COL8A1: variants seen among roughly 807,000 people sequenced by gnomAD.
COL8A1 encodes collagen alpha-1(VIII) chain.
Under a neutral mutation model 42.7 loss-of-function variants are expected in COL8A1, and 21 were observed. The ratio of observed to expected loss-of-function variants is 0.49; its 90% CI spans 0.35 to 0.71. The LOEUF is 0.71. Ranked by LOEUF, COL8A1 falls within the 30% of genes least tolerant of loss-of-function variation. COL8A1 has a pLI of 0.01. For missense variants in COL8A1, 788 were observed against 962.4 expected, an observed-to-expected ratio of 0.82 and a Z score of 2.40; for synonymous variants, 367 against 369.1, an observed-to-expected ratio of 0.99 and a Z score of 0.06.
At chr3:99,659,630 A>G (rs1938137210) in intron 1 of COL8A1, among the ~76,000 whole-genome samples, 3 of 152,146 alleles carry the variant, frequency 2.0e-5, no homozygotes, top group Admixed American at 1.3e-4. Context: ...GTTCTATGGC[A>G]AAAAAAGAGG....
intron 2 of COL8A1, among the ~76,000 whole-genome samples, chr3:99,773,837 A>ATATATATATATATATTT (rs1200212756): frequency 1.5e-4 from 7 of 45,402 alleles, no homozygotes; most frequent in African/African-American, 7.7e-4. Flanking sequence ...ATATATATAT[A>ATATATATATATATATTT]TTTTTTTTTT....
intron 1 of COL8A1, among the ~76,000 whole-genome samples, chr3:99,694,475 C>CA (rs796962809): frequency 1.5e-3 from 214 of 144,664 alleles, no homozygotes; most frequent in African/African-American, 4.8e-3. Flanking sequence ...GACTCCATCT[C>CA]AAAAAAAAAA....
Position 99,795,642 on chromosome 3 carries a change from C to T in COL8A1, c.1741C>T (p.Gln581Ter). 6.2e-7 allele frequency: 1 copy of T among 1,613,990 alleles called. No individual in the cohort carries two copies. Among genetic ancestry groups the T allele is most frequent in the Non-Finnish European group, 8.5e-7 (1 of 1,179,946 alleles). ...TGTGATGCCCCCTACACCACCACCC[C>T]AGGGAGAGTATCTGCCAGATATGGG... ...PAVMPPTPPP[Q>*]GEYLPDMGLG... The change falls in exon 4 of 4, where the codon CAG becomes TAG. Residue 581 changes from glutamine (Q) to a stop codon, truncating the protein, a stop_gained. Transcript: ENST00000652472. LOFTEE classifies it high-confidence loss of function.
In COL8A1 at chr3:99,726,551, C is replaced by T. The variant is rs1260405619; in HGVS notation, c.-128-18346C>T. Among the ~76,000 whole-genome samples the T allele has an allele frequency of 6.6e-5, 10 of 151,912 alleles. No homozygotes were observed. In the South Asian group the frequency reaches 1.5e-3, roughly 22 times the overall value. ...AGGGTTTTAATGGTTTTAGGTCTAACGTTTAAGTCTTTAATGCATCTTGAA... is the reference window on the plus strand; with the variant it reads ...AGGGTTTTAATGGTTTTAGGTCTAATGTTTAAGTCTTTAATGCATCTTGAA... On this transcript the variant is annotated intron_variant, in intron 1 of 3. Transcript: ENST00000652472.
intron 2 of COL8A1, among the ~76,000 whole-genome samples, chr3:99,760,603 C>G (rs2107424704): frequency 6.6e-6 from 1 of 152,232 alleles, no homozygotes; most frequent in East Asian, 1.9e-4. Context: ...CCCTCAAAAC[C>G]ATCTGAGTTA....
chr3:99,709,169 C>T (rs940597080), intron 1 of COL8A1, among the ~76,000 whole-genome samples: 15 of 152,120 alleles, frequency 9.9e-5, no homozygotes, highest in Non-Finnish European at 1.9e-4. Context: ...CTTTTTCACT[C>T]TCAAGGCAGC....
chr3:99,744,864 T>C (rs1016512574), intron 1 of COL8A1, 33 bp from the exon 2 acceptor site: 1 of 152,256 alleles, frequency 6.6e-6, no homozygotes, highest in Non-Finnish European at 1.5e-5. Context: ...TTTAATTGCC[T>C]TGAGTAAAAG....
chr3:99,678,522 C>CAT (rs1476773454), intron 1 of COL8A1: 1 of 151,902 alleles, frequency 6.6e-6, no homozygotes, highest in Non-Finnish European at 1.5e-5. Context: ...GAAATGTGAG[C>CAT]ATATTGGGCA....
intron 1 of COL8A1, among the ~76,000 whole-genome samples, chr3:99,693,349 A>C (rs1939277921): frequency 6.6e-6 from 1 of 152,226 alleles, no homozygotes; most frequent in Non-Finnish European, 1.5e-5. Flanking sequence ...AAAAAAGTTA[A>C]CTGTAAAACA....
intron 1 of COL8A1, among the ~76,000 whole-genome samples, chr3:99,734,725 G>A (rs899961109): frequency 1.3e-5 from 2 of 151,796 alleles, no homozygotes; most frequent in Admixed American, 1.3e-4. Flanking sequence ...CATTGAATCT[G>A]TAAATTACCT....
intron 1 of COL8A1, among the ~76,000 whole-genome samples, chr3:99,651,579 C>G (rs976101529): frequency 6.6e-6 from 1 of 152,224 alleles, no homozygotes; most frequent in African/African-American, 2.4e-5. Context: ...ATCATCATGC[C>G]AACAGGCCAA....
intron 1 of COL8A1, among the ~76,000 whole-genome samples, chr3:99,683,933 A>G (rs1938968720): frequency 6.6e-6 from 1 of 152,194 alleles, no homozygotes. Flanking sequence ...CATTTCATGA[A>G]ATTAGGTTTT....
chr3:99,682,380 T>C (rs567240642), intron 1 of COL8A1, among the ~76,000 whole-genome samples: 18 of 152,280 alleles, frequency 1.2e-4, no homozygotes, highest in African/African-American at 3.9e-4. Context: ...ATTGTGCCAC[T>C]GCACTCCAGC....
rs1258765473 is a variant in COL8A1, at chr3:99,725,791, C to T, written c.-128-19106C>T. Among the ~76,000 whole-genome samples the T allele has an allele frequency of 3.3e-5, 5 of 151,972 alleles. No individual in the cohort carries two copies. The East Asian group carries it at 9.6e-4, about 29-fold the overall frequency. ...ACTATTCCATGGTGCATATGTGCAACATTTTCTTAATCCAGTCTATCATTG... is the reference window on the plus strand; with the variant it reads ...ACTATTCCATGGTGCATATGTGCAATATTTTCTTAATCCAGTCTATCATTG... On this transcript the variant is annotated intron_variant, in intron 1 of 3. Transcript: ENST00000652472.
At chr3:99,647,694 C>G (rs1317792391) in intron 1 of COL8A1, among the ~76,000 whole-genome samples, 1 of 152,194 alleles carries the variant, frequency 6.6e-6, no homozygotes, top group African/African-American at 2.4e-5. Flanking sequence ...TAATTTCCTG[C>G]TTTATCTTTA....
rs1308155588 is a variant in COL8A1, at chr3:99,797,327, CAGT to C, written c.*1194_*1196del. The C allele has an allele frequency of 1.3e-5, 2 of 152,058 alleles. No individual in the cohort carries two copies. Among genetic ancestry groups the C allele is most frequent in the African/African-American group, 4.8e-5 (2 of 41,370 alleles). The allele number at this position is 152,058 out of a possible 1,614,324, so 9.4% of individuals were successfully genotyped here. On this transcript the variant is annotated 3_prime_UTR_variant, in exon 4 of 4. Coordinates refer to ENST00000652472, the MANE Select transcript of COL8A1 (RefSeq NM_020351.4). ...TTACTCTGTCACCCAGGCTGGAGTG[CAGT>C]AGCACGATCTTGGCTTACTGCAACC...
At position 99,795,462 on chromosome 3, in the gene COL8A1, C is replaced by T; in HGVS notation, c.1561C>T (p.Pro521Ser). 1 of 1,525,876 alleles carries T rather than the reference C, an allele frequency of 6.6e-7. No homozygotes were observed. Among genetic ancestry groups the T allele is most frequent in the South Asian group, 1.2e-5 (1 of 82,506 alleles). The allele number at this position is 1,525,876 out of a possible 1,614,324, so 94.5% of individuals were successfully genotyped here. ...TGGGATTCCAGGCCCCAAAGGGGAG[C>T]CGGGCCTCCCAGGGCCCCCTGGGTT... Reference protein sequence around the residue: ...PPGIPGPKGEPGLPGPPGFPG... With the variant: ...PPGIPGPKGESGLPGPPGFPG... The change falls in exon 4 of 4, where the codon CCG (proline) becomes TCG (serine). Residue 521 changes from proline to serine, a missense_variant. Physicochemically the swap from Pro to Ser is moderately conservative, Grantham distance 74. Coordinates refer to ENST00000652472, the MANE Select transcript of COL8A1 (RefSeq NM_020351.4).
chr3:99,698,957 G>A (rs535906466), intron 1 of COL8A1, among the ~76,000 whole-genome samples: 3 of 152,268 alleles, frequency 2.0e-5, no homozygotes, highest in East Asian at 3.9e-4. Context: ...ATAGAAGCGG[G>A]GAAGATAAGT....
intron 1 of COL8A1, among the ~76,000 whole-genome samples, chr3:99,742,379 T>C (rs946520147): frequency 6.6e-6 from 1 of 152,210 alleles, no homozygotes; most frequent in Non-Finnish European, 1.5e-5. Context: ...TGAAATACAA[T>C]GAGTTACACA....
Sources: gnomAD v4.1 joint callset for allele counts (sites outside exome capture counted in the v4.1 genomes callset) on GRCh38, gnomAD v4.1.1 for gene constraint, MANE v1.5 for transcripts, NCBI Gene and HGNC (gene_info 2026-07-23, HGNC 2026-07-21) for gene names.